CRPPA: variants seen among roughly 807,000 people sequenced by gnomAD.
CRPPA encodes D-ribitol-5-phosphate cytidylyltransferase.
A neutral mutation model predicts 52.0 loss-of-function variants in CRPPA; 43 were observed. The observed-to-expected ratio is 0.83, with a 90% CI of 0.65 to 1.07. The LOEUF is 1.07. Among genes scored for constraint, CRPPA ranks in the 50% least tolerant of loss-of-function variants. The pLI, the probability that CRPPA is intolerant of heterozygous loss-of-function variation, is 0.00. For missense variants in CRPPA, 629 were observed against 551.7 expected, an observed-to-expected ratio of 1.14 and a Z score of -1.40; for synonymous variants, 250 against 203.5, an observed-to-expected ratio of 1.23 and a Z score of -1.94.
At chr7:16,154,328 C>T (rs1783132779) in intron 9 of CRPPA, among the ~76,000 whole-genome samples, 1 of 151,998 alleles carries the variant, frequency 6.6e-6, no homozygotes, top group South Asian at 2.1e-4. Context: ...TTGACCTGTC[C>T]TCTAAGTTCC....
intron 8 of CRPPA, among the ~76,000 whole-genome samples, chr7:16,244,562 C>T (rs1490113639): frequency 6.6e-6 from 1 of 152,166 alleles, no homozygotes; most frequent in African/African-American, 2.4e-5. Flanking sequence ...AAACAAATTT[C>T]TACCACTTAA....
At chr7:16,277,747 T>C (rs1163255562) in intron 6 of CRPPA, among the ~76,000 whole-genome samples, 1 of 152,192 alleles carries the variant, frequency 6.6e-6, no homozygotes. Context: ...TTTGTCATCA[T>C]GTCTCTTATT....
In CRPPA at chr7:16,291,432, A is replaced by T. The variant is rs553070309; in HGVS notation, c.835+9989T>A. ...AAATGAATGAAATTCTGTCATTTGC[A>T]GTAACATGGATAGAACTGGAAGTCA... On this transcript the variant is annotated intron_variant, in intron 5 of 9. Coordinates refer to ENST00000407010, the MANE Select transcript of CRPPA (RefSeq NM_001101426.4). Among the ~76,000 whole-genome samples, 3 of 152,104 alleles carry T rather than the reference A, an allele frequency of 2.0e-5. No individual in the cohort carries two copies. In the East Asian group the frequency reaches 5.8e-4, roughly 29 times the overall value.
chr7:16,400,934 G>A (rs1320816376), intron 2 of CRPPA, among the ~76,000 whole-genome samples: 2 of 152,170 alleles, frequency 1.3e-5, no homozygotes, highest in African/African-American at 2.4e-5. Flanking sequence ...TTTATGCCTT[G>A]TCTCCATGGA....
intron 6 of CRPPA, among the ~76,000 whole-genome samples, chr7:16,259,917 GA>G (rs1783750946): frequency 6.6e-6 from 1 of 151,942 alleles, no homozygotes; most frequent in Non-Finnish European, 1.5e-5. Context: ...AATGAGAAAG[GA>G]AAGTTTTCAA....
chr7:16,296,519 T>A (rs1040626322), intron 5 of CRPPA, among the ~76,000 whole-genome samples: 12 of 152,026 alleles, frequency 7.9e-5, no homozygotes, highest in Non-Finnish European at 5.9e-5. Context: ...ACAAAATAGT[T>A]ACTTTAATAG....
At chr7:16,234,429 A>G (rs1782885238) in intron 8 of CRPPA, among the ~76,000 whole-genome samples, 1 of 152,176 alleles carries the variant, frequency 6.6e-6, no homozygotes, top group South Asian at 2.1e-4. Context: ...AAGTTAGACA[A>G]TTTTGAAATA....
At chr7:16,286,300 T>C (rs373443993) in intron 5 of CRPPA, among the ~76,000 whole-genome samples, 1 of 142,254 alleles carries the variant, frequency 7.0e-6, no homozygotes, top group East Asian at 2.3e-4. Context: ...CTTTTCACAG[T>C]ATAGTAAGCC....
rs1350625202 is a variant in CRPPA, at chr7:16,413,366, C to CT, written c.258-7030dup. On this transcript the variant is annotated intron_variant, in intron 1 of 9. Coordinates refer to ENST00000407010, the MANE Select transcript of CRPPA (RefSeq NM_001101426.4). ...AAATGTAACACTGACCTCTAATCATCTGACCTGTACAAAATACAAGTCCCA... is the reference window on the plus strand; with the variant it reads ...AAATGTAACACTGACCTCTAATCATCTTGACCTGTACAAAATACAAGTCCCA... Among the ~76,000 whole-genome samples the CT allele has an allele frequency of 3.9e-5, 6 of 152,202 alleles. No individual in the cohort carries two copies. The East Asian group carries it at 1.2e-3, about 29-fold the overall frequency.
At chr7:16,095,726 C>A (rs1373040963) in intron 9 of CRPPA, among the ~76,000 whole-genome samples, 3 of 152,120 alleles carry the variant, frequency 2.0e-5, no homozygotes, top group Admixed American at 2.0e-4. Flanking sequence ...AGCAATCTCT[C>A]TGGGTAGAAA....
At chr7:16,104,106 C>A (rs1233300885) in intron 9 of CRPPA, among the ~76,000 whole-genome samples, 1 of 152,098 alleles carries the variant, frequency 6.6e-6, no homozygotes, top group Non-Finnish European at 1.5e-5. Flanking sequence ...TAGTTAGTAT[C>A]CAAAGTGTTA....
intron 1 of CRPPA, among the ~76,000 whole-genome samples, chr7:16,409,703 C>T (rs906057257): frequency 6.6e-6 from 1 of 152,204 alleles, no homozygotes; most frequent in African/African-American, 2.4e-5. Flanking sequence ...TACTTCTACA[C>T]GATCTCTCAT....
chr7:16,203,744 T>C (rs952175564), intron 9 of CRPPA, among the ~76,000 whole-genome samples: 1 of 152,182 alleles, frequency 6.6e-6, no homozygotes, highest in Non-Finnish European at 1.5e-5. Flanking sequence ...TTCTGACATT[T>C]GCCATTAAGA....
Position 16,406,307 on chromosome 7 carries a change from T to G in CRPPA, c.288A>C (p.Ala96=). ...TTACTTCCATGTTCTCTCCAGTTAC[T>G]GCCACAACAATGTCCTTTATCCAAC... ...RVCWIKDIVV[A]VTGENMEVMK... The change falls in exon 2 of 10, where the codon GCA becomes GCC. Residue 96 remains alanine, a synonymous_variant. Transcript: ENST00000407010. The G allele has an allele frequency of 1.9e-6, 3 of 1,613,860 alleles. No individual in the cohort carries two copies. The highest frequency in any genetic ancestry group is 2.5e-6 in the Non-Finnish European group (3 of 1,179,762).
intron 6 of CRPPA, chr7:16,270,106 TC>T (rs1784057394): frequency 6.6e-6 from 1 of 152,170 alleles, no homozygotes; most frequent in Non-Finnish European, 1.5e-5. Context: ...TCAAAAAATT[TC>T]CTGAGTTAAA....
chr7:16,125,372 A>T (rs1782557668), intron 9 of CRPPA, among the ~76,000 whole-genome samples: 1 of 152,206 alleles, frequency 6.6e-6, no homozygotes, highest in African/African-American at 2.4e-5. Flanking sequence ...CCAGTCATAA[A>T]CAGTACCAAG....
At chr7:16,129,817 A>G (rs1017224982) in intron 9 of CRPPA, among the ~76,000 whole-genome samples, 2 of 152,110 alleles carry the variant, frequency 1.3e-5, no homozygotes, top group Non-Finnish European at 2.9e-5. Context: ...TTTTCAATTC[A>G]TCTCCCTTCC....
Position 16,091,635 on chromosome 7 carries a change from C to A in CRPPA, c.*60G>T. ...TCTACCACACACAGCAGCGGGGGCA[C>A]AAAGCACAATTAAGATACGCAAATA... On this transcript the variant is annotated 3_prime_UTR_variant, in exon 10 of 10. Transcript: ENST00000407010. The A allele has an allele frequency of 2.2e-6, 2 of 928,090 alleles. No homozygotes were observed. Among genetic ancestry groups the A allele is most frequent in the Admixed American group, 2.3e-5 (1 of 43,810 alleles). The allele number at this position is 928,090 out of a possible 1,614,324, so 57.5% of individuals were successfully genotyped here.
intron 6 of CRPPA, among the ~76,000 whole-genome samples, chr7:16,276,180 T>C (rs927244635): frequency 1.3e-5 from 2 of 151,952 alleles, no homozygotes; most frequent in African/African-American, 4.8e-5. Flanking sequence ...GAGAATGTAA[T>C]AGCTGTGGAT....
Sources: allele counts gnomAD v4.1 joint callset (sites outside exome capture counted in the v4.1 genomes callset), GRCh38; gene constraint gnomAD v4.1.1; transcripts MANE v1.5; gene names NCBI Gene and HGNC (gene_info 2026-07-23, HGNC 2026-07-21).